The following BICRA variants were observed in gnomAD, a reference collection of about 807,000 sequenced individuals.
BICRA encodes BRD4-interacting chromatin-remodeling complex-associated protein.
A neutral mutation model predicts 96.9 loss-of-function variants in BICRA; 31 were observed. The ratio of observed to expected loss-of-function variants is 0.32; its 90% CI spans 0.24 to 0.43. BICRA has a LOEUF of 0.43. BICRA is among the 20% of genes least tolerant of loss of function. The probability of loss-of-function intolerance (pLI) is 1.00; values close to 1 mark genes in which losing one functional copy is unlikely to be tolerated. For missense variants in BICRA, 2,283 were observed against 2,190.3 expected, an observed-to-expected ratio of 1.04 and a Z score of -0.84; for synonymous variants, 1,350 against 1,071.8, an observed-to-expected ratio of 1.26 and a Z score of -5.07.
intron 1 of BICRA, among the ~76,000 whole-genome samples, chr19:47,611,002 G>T (rs904208662): frequency 8.5e-5 from 13 of 152,106 alleles, no homozygotes; most frequent in Non-Finnish European, 1.9e-4. Context: ...TACATTACAC[G>T]CTGGCCACAG....
chr19:47,682,272 G>C (rs1973076967), intron 7 of BICRA, 120 bp downstream of exon 7: 1 of 574,426 alleles, frequency 1.7e-6, no homozygotes, highest in African/African-American at 1.9e-5. Context: ...TTGGAACACA[G>C]AGCTCTCCTT....
chr19:47,701,737 A>AC lies in BICRA; in HGVS notation c.4011dup (p.Ala1338ArgfsTer158). On this transcript the variant is annotated frameshift_variant, in exon 15 of 15. Transcript: ENST00000594866. LOFTEE classifies it high-confidence loss of function. The surrounding 1 kb of genome is among the most constrained non-coding windows in gnomAD (Gnocchi z 5.4). ...TGGACCCCGTGCACCAGCCCCCGCC[A>AC]CCCCCCGCTACCCTCAAGGTGGCCG... 1 of 1,356,688 alleles carries AC rather than the reference A, an allele frequency of 7.4e-7. No homozygotes were observed. The allele number at this position is 1,356,688 out of a possible 1,614,324, so 84.0% of individuals were successfully genotyped here. A position where few individuals can be genotyped will look rare whatever the true frequency, so the allele number is the denominator to read the frequency against.
In BICRA at chr19:47,644,054, T is replaced by A. The variant is rs117427970; in HGVS notation, c.-107-26389T>A. On this transcript the variant is annotated intron_variant, in intron 1 of 14. Transcript: ENST00000594866. ...TATTTTTTGAGACAGAGTCTTGCTC[T>A]CTTGCCCAGGCTGGAGTGCAGTGGG... 8.6e-3 allele frequency among the ~76,000 whole-genome samples: 1,308 copies of A among 152,276 alleles called. 10 individuals are homozygous for A. Among genetic ancestry groups the A allele is most frequent in the Non-Finnish European group, 0.014 (967 of 67,998 alleles).
At chr19:47,646,123 A>G (rs1972455307) in intron 1 of BICRA, among the ~76,000 whole-genome samples, 1 of 152,072 alleles carries the variant, frequency 6.6e-6, no homozygotes. Context: ...GTAGAAAGAA[A>G]AAAGAAAACT....
At chr19:47,628,946 G>A (rs1191787003) in intron 1 of BICRA, among the ~76,000 whole-genome samples, 3 of 151,852 alleles carry the variant, frequency 2.0e-5, no homozygotes, top group Admixed American at 1.3e-4. Context: ...AGTGTTAAAT[G>A]TACTTTTATT....
At chr19:47,643,459 G>A (rs1017448635) in intron 1 of BICRA, among the ~76,000 whole-genome samples, 1 of 152,170 alleles carries the variant, frequency 6.6e-6, no homozygotes, top group Admixed American at 6.6e-5. Context: ...TGTCACCTGG[G>A]ACACTGGCAG....
chr19:47,673,422 T>G, intron 2 of BICRA, 148 bp from the exon 3 acceptor site: 1 of 662,638 alleles, frequency 1.5e-6, no homozygotes, highest in Non-Finnish European at 2.7e-6. Context: ...ACCTGGGAGG[T>G]ATTCCTTGTC....
chr19:47,680,767 C>A lies in BICRA; in HGVS notation c.1597C>A (p.His533Asn), dbSNP rs945429331. The change falls in exon 6 of 15, where the codon CAC becomes AAC. Residue 533 changes from histidine (H) to asparagine (N), a missense_variant. By Grantham distance (68) the His-to-Asn change is moderately conservative (BLOSUM62 1). Coordinates refer to ENST00000594866, the MANE Select transcript of BICRA (RefSeq NM_001394372.1). ...PLSLGPVLAP[H>N]SGAHSAHILS... ...GAGCCTGGGCCCCGTGTTGGCCCCC[C>A]ACTCCGGGGCCCACAGCGCGCACAT... 2.5e-6 allele frequency: 4 copies of A among 1,610,038 alleles called. No individual in the cohort carries two copies. The highest frequency in any genetic ancestry group is 2.7e-5 in the African/African-American group (2 of 74,916).
chr19:47,626,756 C>T (rs558364716), intron 1 of BICRA, among the ~76,000 whole-genome samples: 7 of 140,208 alleles, frequency 5.0e-5, no homozygotes, highest in African/African-American at 1.8e-4. Flanking sequence ...GAGTCTCGCT[C>T]GGTCACCTAG....
At chr19:47,652,205 ATTT>A (rs1393186986) in intron 1 of BICRA, among the ~76,000 whole-genome samples, 2 of 151,772 alleles carry the variant, frequency 1.3e-5, no homozygotes, top group African/African-American at 4.8e-5. Flanking sequence ...CATCTGGAGT[ATTT>A]TTTTTGAGAC....
At chr19:47,614,294 T>C (rs1971952594) in intron 1 of BICRA, among the ~76,000 whole-genome samples, 1 of 152,124 alleles carries the variant, frequency 6.6e-6, no homozygotes, top group African/African-American at 2.4e-5. Context: ...GTTCTGTGCA[T>C]GTACTTTTAT....
Position 47,702,425 on chromosome 19 carries a change from G to A in BICRA, c.*10G>A, listed in dbSNP as rs1973479217. The A allele has an allele frequency of 2.0e-6, 3 of 1,479,942 alleles. No homozygotes were observed. Among genetic ancestry groups the A allele is most frequent in the South Asian group, 2.7e-5 (2 of 75,130 alleles). The allele number at this position is 1,479,942 out of a possible 1,614,324, so 91.7% of individuals were successfully genotyped here. On this transcript the variant is annotated 3_prime_UTR_variant, in exon 15 of 15. Coordinates refer to ENST00000594866, the MANE Select transcript of BICRA (RefSeq NM_001394372.1). Reference sequence around the variant, plus strand: ...GACGTTGACCAGATAACACCGGGCCGCCTCCCCTTCCCCGTCCCCTCCTCC... The same window carrying A: ...GACGTTGACCAGATAACACCGGGCCACCTCCCCTTCCCCGTCCCCTCCTCC...
At chr19:47,685,674 C>T in intron 7 of BICRA, among the ~76,000 whole-genome samples, 1 of 151,558 alleles carries the variant, frequency 6.6e-6, no homozygotes, top group East Asian at 2.0e-4. Context: ...CCCTTACTGT[C>T]CGAACTCCAA....
chr19:47,696,836 G>GGGGAA (rs1568578561), intron 11 of BICRA, among the ~76,000 whole-genome samples: 5 of 152,036 alleles, frequency 3.3e-5, no homozygotes, highest in African/African-American at 1.2e-4. Flanking sequence ...CCACTGGGTG[G>GGGGAA]GTGAAGTGAT....
intron 1 of BICRA, among the ~76,000 whole-genome samples, chr19:47,653,411 T>A (rs6509332): frequency 1.7e-4 from 26 of 151,270 alleles, no homozygotes; most frequent in African/African-American, 6.3e-4. Flanking sequence ...CCAATTCAGT[T>A]GTTTTCAGTA....
rs541468081 is a variant in BICRA, at chr19:47,680,242, G to T, written c.1072G>T (p.Val358Leu). The T allele has an allele frequency of 1.7e-5, 26 of 1,561,298 alleles. No individual in the cohort carries two copies. The highest frequency in any genetic ancestry group is 2.2e-5 in the Non-Finnish European group (25 of 1,162,514). ...PTPIQPKPAGVLPPKLYQLTP... is the reference protein window; with the variant it reads ...PTPIQPKPAGLLPPKLYQLTP... ...GCCCATCCAGCCCAAGCCCGCGGGG[G>T]TGCTGCCGCCCAAGCTCTACCAGCT... The change falls in exon 6 of 15, where the codon GTG (valine) becomes TTG (leucine). Residue 358 changes from valine (V) to leucine (L), a missense_variant. Physicochemically the swap from Val to Leu is conservative, Grantham distance 32. Transcript: ENST00000594866.
intron 1 of BICRA, among the ~76,000 whole-genome samples, chr19:47,619,253 T>G (rs1972029368): frequency 6.6e-6 from 1 of 150,534 alleles, no homozygotes; most frequent in South Asian, 2.1e-4. Flanking sequence ...TCCTTTTTTT[T>G]GTGTGTGTGT....
At chr19:47,676,554 C>A (rs1229421284) in intron 5 of BICRA, among the ~76,000 whole-genome samples, 5 of 115,956 alleles carry the variant, frequency 4.3e-5, no homozygotes, top group African/African-American at 1.6e-4. Context: ...TTTCCTCCCC[C>A]CACCTTCCTT....
At chr19:47,664,584 A>G (rs922592021) in intron 1 of BICRA, among the ~76,000 whole-genome samples, 7 of 151,954 alleles carry the variant, frequency 4.6e-5, no homozygotes, top group African/African-American at 1.7e-4. Context: ...GGGGATGGGG[A>G]GGGATCGGTG....
Sources: gnomAD v4.1 joint callset for allele counts (sites outside exome capture counted in the v4.1 genomes callset) on GRCh38, gnomAD v4.1.1 for gene constraint, Gnocchi (gnomAD v3.1) non-coding constraint, MANE v1.5 for transcripts, NCBI Gene and HGNC (gene_info 2026-07-23, HGNC 2026-07-21) for gene names.